The following HTRA3 variants were observed in gnomAD, a reference collection of about 807,000 sequenced individuals.
HTRA3 encodes serine protease HTRA3.
A neutral mutation model predicts 43.2 loss-of-function variants in HTRA3; 41 were observed. The ratio of observed to expected loss-of-function variants is 0.95; its 90% CI spans 0.74 to 1.23. The LOEUF (loss-of-function observed/expected upper bound fraction) is 1.23, where lower values mean the gene tolerates loss of function less well. Ranked by LOEUF, HTRA3 falls within the 50% of genes most tolerant of loss-of-function variation. The pLI, the probability that HTRA3 is intolerant of heterozygous loss-of-function variation, is 0.00. For synonymous variants in HTRA3, 295 were observed against 287.9 expected (o/e 1.02, Z -0.25); for missense variants, 628 against 647.1 (o/e 0.97, Z 0.32).
At chr4:8,271,100 G>C (rs13120925) in intron 1 of HTRA3, among the ~76,000 whole-genome samples, 44,613 of 151,952 alleles carry the variant, frequency 0.29, 6,824 homozygotes, top group South Asian at 0.49. Context: ...AGGGTCCTGC[G>C]TGCCATCAGC....
chr4:8,272,405 G>T (rs932513865), intron 1 of HTRA3, among the ~76,000 whole-genome samples: 12 of 10,228 alleles, frequency 1.2e-3, no homozygotes, highest in South Asian at 7.6e-3. Flanking sequence ...CGTGAGCGTG[G>T]GGGGTCATGG....
intron 8 of HTRA3, 107 bp downstream of exon 8, chr4:8,304,386 C>G (rs539665234): frequency 2.5e-6 from 2 of 808,742 alleles, no homozygotes; most frequent in East Asian, 5.1e-5. Flanking sequence ...GCAAAGTGAC[C>G]GGGAAGGGGC....
intron 7 of HTRA3, 106 bp downstream of exon 7, chr4:8,302,617 C>G: frequency 1.9e-6 from 2 of 1,073,006 alleles, no homozygotes; most frequent in Non-Finnish European, 2.9e-6. Context: ...TGCAGGTGCC[C>G]AGACGGGCCG....
At chr4:8,282,412 C>A (rs1245581078) in intron 1 of HTRA3, 25 bp from the exon 2 acceptor site, 3 of 1,582,952 alleles carry the variant, frequency 1.9e-6, no homozygotes, top group Non-Finnish European at 2.6e-6. Flanking sequence ...CTCACTGATG[C>A]ACCTGGCCCT....
intron 1 of HTRA3, among the ~76,000 whole-genome samples, chr4:8,271,275 A>T (rs1712262111): frequency 6.6e-6 from 1 of 152,152 alleles, no homozygotes; most frequent in Non-Finnish European, 1.5e-5. Context: ...TTCATGGTGT[A>T]AAAAGGTTGG....
intron 5 of HTRA3, 104 bp downstream of exon 5, chr4:8,292,457 C>A: frequency 1.0e-6 from 1 of 965,492 alleles, no homozygotes; most frequent in Non-Finnish European, 1.6e-6. Flanking sequence ...GGTCCTAGAA[C>A]ATTTACACCA....
rs1712957243 is a variant in HTRA3, at chr4:8,286,128, T to G, written c.486-433T>G. On this transcript the variant is annotated intron_variant, in intron 2 of 8. Coordinates refer to ENST00000307358, the MANE Select transcript of HTRA3 (RefSeq NM_053044.5). This position sits in a 1 kb window ranked among gnomAD's most constrained non-coding sequence, Gnocchi z 4.9. ...GCATCACCACTCGGCGGAGGAGGTGTTGTTGTCCCATTTCCCAAATGGGGA... is the reference window on the plus strand; with the variant it reads ...GCATCACCACTCGGCGGAGGAGGTGGTGTTGTCCCATTTCCCAAATGGGGA... Among the ~76,000 whole-genome samples, 2 of 152,256 alleles carry G rather than the reference T, an allele frequency of 1.3e-5. No homozygotes were observed. The highest frequency in any genetic ancestry group is 2.4e-5 in the African/African-American group (1 of 41,544).
At chr4:8,303,036 G>C (rs924011467) in intron 7 of HTRA3, among the ~76,000 whole-genome samples, 5 of 152,174 alleles carry the variant, frequency 3.3e-5, no homozygotes, top group African/African-American at 1.2e-4. Context: ...ATTGGAGTTA[G>C]GGCCCACTCT....
At chr4:8,302,242 G>A (rs1713679901) in intron 6 of HTRA3, among the ~76,000 whole-genome samples, 1 of 152,062 alleles carries the variant, frequency 6.6e-6, no homozygotes, top group African/African-American at 2.4e-5. Flanking sequence ...AGCCACCTGT[G>A]GGGCGAGCCA....
At chr4:8,282,842 G>C (rs1712809951) in intron 2 of HTRA3, among the ~76,000 whole-genome samples, 1 of 152,222 alleles carries the variant, frequency 6.6e-6, no homozygotes, top group East Asian at 1.9e-4. Flanking sequence ...CGTCCTGAGG[G>C]GCCGTGCAGT....
At chr4:8,285,457 T>C (rs1380349483) in intron 2 of HTRA3, among the ~76,000 whole-genome samples, 4 of 152,134 alleles carry the variant, frequency 2.6e-5, no homozygotes, top group African/African-American at 7.2e-5. Context: ...CCCTCCATGC[T>C]TTGTCTCTTG....
chr4:8,292,346 TGAACCTGGTAAGTGTCCCCTA>T lies in HTRA3; in HGVS notation c.932_936+16del, dbSNP rs1713282584. The T allele has an allele frequency of 6.2e-7, 1 of 1,613,118 alleles. No individual in the cohort carries two copies. Among genetic ancestry groups the T allele is most frequent in the African/African-American group, 1.3e-5 (1 of 74,948 alleles). The stretch of plus-strand genomic sequence containing the variant: ...TACGGGAACTCCGGGGGACCACTGG[TGAACCTGGTAAGTGTCCCCTA>T]GAGCCAAAATCTCTCAGGTTTCTGG... On this transcript the variant is annotated splice_donor_variant and splice_donor_5th_base_variant and coding_sequence_variant and intron_variant, in exon 5 of 9. Coordinates refer to ENST00000307358, the MANE Select transcript of HTRA3 (RefSeq NM_053044.5). LOFTEE classifies it high-confidence loss of function.
chr4:8,292,617 G>A (rs1467519190), intron 5 of HTRA3, among the ~76,000 whole-genome samples: 1 of 152,226 alleles, frequency 6.6e-6, no homozygotes, highest in East Asian at 1.9e-4. Context: ...CAGGGGAGCT[G>A]GGGCAAGGGA....
At position 8,296,069 on chromosome 4, in the gene HTRA3, T is replaced by C. The variant is rs776111032; in HGVS notation, c.1051+1868T>C. 3.0e-5 allele frequency: 32 copies of C among 1,068,570 alleles called. No individual in the cohort carries two copies. Among genetic ancestry groups the C allele is most frequent in the Non-Finnish European group, 3.6e-5 (32 of 884,254 alleles). 66.2% of individuals were successfully genotyped at this position (1,068,570 alleles called of 1,614,324 possible). ...TGACCGAGTCTTTCCTGTTGAATTATCCCATTCTCCATGGGTGCCTTTGAC... is the reference window on the plus strand; with the variant it reads ...TGACCGAGTCTTTCCTGTTGAATTACCCCATTCTCCATGGGTGCCTTTGAC... On this transcript the variant is annotated intron_variant, in intron 6 of 8. Transcript: ENST00000307358. The surrounding 1 kb of genome is among the most constrained non-coding windows in gnomAD (Gnocchi z 5.3).
chr4:8,292,673 G>A (rs1013793879), intron 5 of HTRA3, among the ~76,000 whole-genome samples: 1 of 152,228 alleles, frequency 6.6e-6, no homozygotes, highest in Non-Finnish European at 1.5e-5. Context: ...TGCCCTGGAT[G>A]TACACACAGG....
intron 5 of HTRA3, 125 bp from the exon 6 acceptor site, chr4:8,293,961 TG>T (rs370206474): frequency 4.8e-6 from 3 of 628,714 alleles, no homozygotes; most frequent in African/African-American, 3.7e-5. Context: ...TCAGGGGAGT[TG>T]GGGGCTGTAG....
chr4:8,282,023 C>G (rs1338784911), intron 1 of HTRA3, among the ~76,000 whole-genome samples: 1 of 152,144 alleles, frequency 6.6e-6, no homozygotes, highest in Non-Finnish European at 1.5e-5. Context: ...AGGAGAGGGC[C>G]AGTTCTCTCC....
In HTRA3 at chr4:8,275,647, G is replaced by A. The variant is rs1712490266; in HGVS notation, c.385+5294G>A. ...GCCTCCCACAGGCTCACCAGGGCCT[G>A]CCAGGTGGTCTGAACACCTTCCGCC... On this transcript the variant is annotated intron_variant, in intron 1 of 8. Coordinates refer to ENST00000307358, the MANE Select transcript of HTRA3 (RefSeq NM_053044.5). 3.9e-5 allele frequency among the ~76,000 whole-genome samples: 6 copies of A among 152,328 alleles called. No homozygotes were observed. The South Asian group carries it at 8.3e-4, about 21-fold the overall frequency.
Position 8,279,133 on chromosome 4 carries a change from T to C in HTRA3, c.386-3304T>C, listed in dbSNP as rs1370107495. Among the ~76,000 whole-genome samples the C allele has an allele frequency of 2.0e-5, 3 of 152,110 alleles. No individual in the cohort carries two copies. Among genetic ancestry groups the C allele is most frequent in the African/African-American group, 7.2e-5 (3 of 41,414 alleles). Reference sequence around the variant, plus strand: ...GAGCCTGGGGTGTGGGGTGGGCACGTGCGGGCTTCTCTTTGGAGACTCTGT... The same window carrying C: ...GAGCCTGGGGTGTGGGGTGGGCACGCGCGGGCTTCTCTTTGGAGACTCTGT... On this transcript the variant is annotated intron_variant, in intron 1 of 8. Transcript: ENST00000307358. This position sits in a 1 kb window ranked among gnomAD's most constrained non-coding sequence, Gnocchi z 7.4.
Sources: gnomAD v4.1 joint callset for allele counts (sites outside exome capture counted in the v4.1 genomes callset) on GRCh38, gnomAD v4.1.1 for gene constraint, Gnocchi (gnomAD v3.1) non-coding constraint, MANE v1.5 for transcripts, NCBI Gene and HGNC (gene_info 2026-07-23, HGNC 2026-07-21) for gene names.